The following CORO2B variants were observed in gnomAD, a reference collection of about 807,000 sequenced individuals.
CORO2B encodes coronin-2B.
In CORO2B, 26 loss-of-function variants were observed where a neutral mutation model predicts 58.8. The observed-to-expected ratio is 0.44, with a 90% CI of 0.32 to 0.61. CORO2B has a LOEUF of 0.61. Among genes scored for constraint, CORO2B ranks in the 20% least tolerant of loss-of-function variants. The probability of loss-of-function intolerance (pLI) is 0.04; values close to 1 mark genes in which losing one functional copy is unlikely to be tolerated. For missense variants in CORO2B, 460 were observed against 645.1 expected (o/e 0.71, Z 3.11); for synonymous variants, 242 against 253.8 (o/e 0.95, Z 0.44).
intron 1 of CORO2B, among the ~76,000 whole-genome samples, chr15:68,642,604 C>A (rs771068916): frequency 6.6e-6 from 1 of 152,340 alleles, no homozygotes; most frequent in East Asian, 1.9e-4. Context: ...CCACGACTCA[C>A]CTAGGCTGCC....
chr15:68,538,831 G>A, the CORO2B span, among the ~76,000 whole-genome samples: 2 of 152,330 alleles, frequency 1.3e-5, no homozygotes, highest in African/African-American at 4.8e-5. Context: ...CATTCCAGTA[G>A]CCTGTAGGTT....
At chr15:68,714,180 C>A in intron 6 of CORO2B, 139 bp downstream of exon 6, 1 of 626,452 alleles carries the variant, frequency 1.6e-6, no homozygotes. Context: ...AGACAGAGAC[C>A]CCCAGAGGCC....
the CORO2B span, among the ~76,000 whole-genome samples, chr15:68,550,607 A>G: frequency 6.6e-6 from 1 of 152,224 alleles, no homozygotes; most frequent in Admixed American, 6.5e-5. Flanking sequence ...AGGGACCGTT[A>G]TTACTGTCGC....
At chr15:68,528,114 A>G in the CORO2B span, among the ~76,000 whole-genome samples, 1 of 152,102 alleles carries the variant, frequency 6.6e-6, no homozygotes, top group Non-Finnish European at 1.5e-5. Flanking sequence ...CTTTCCATTC[A>G]GATGTCTTTT....
rs372906356 is a variant in CORO2B, at chr15:68,590,242, G to A, written c.15+10965G>A. On this transcript the variant is annotated intron_variant, in intron 1 of 11. Coordinates refer to ENST00000261861, the MANE Select transcript of CORO2B (RefSeq NM_006091.5). ...AACAAAGCTGCCCCTCTGCACCACC[G>A]CCCCCCTCTCCCAGGACCAGAGTGT... Among the ~76,000 whole-genome samples the A allele has an allele frequency of 5.3e-5, 8 of 151,992 alleles. 1 individual carries two copies. The highest frequency in any genetic ancestry group is 6.5e-5 in the Admixed American group (1 of 15,268).
At chr15:68,551,719 G>T in the CORO2B span, among the ~76,000 whole-genome samples, 1 of 152,142 alleles carries the variant, frequency 6.6e-6, no homozygotes, top group Non-Finnish European at 1.5e-5. Flanking sequence ...TTAGACTAAG[G>T]TCTATTTTTA....
At position 68,583,091 on chromosome 15, in the gene CORO2B, G is replaced by T. The variant is rs1351738673; in HGVS notation, c.15+3814G>T. 5.9e-5 allele frequency among the ~76,000 whole-genome samples: 9 copies of T among 152,300 alleles called. No homozygotes were observed. In the South Asian group the frequency reaches 1.9e-3, roughly 32 times the overall value. On this transcript the variant is annotated intron_variant, in intron 1 of 11. Coordinates refer to ENST00000261861, the MANE Select transcript of CORO2B (RefSeq NM_006091.5). ...CAACTGTGCCCTGGCCCCTCTTTCT[G>T]CAGGCAGCCTTCCCTCTCCTGCCTC...
Position 68,623,577 on chromosome 15 carries a change from G to A in CORO2B, c.16-21583G>A, listed in dbSNP as rs531885804. On this transcript the variant is annotated intron_variant, in intron 1 of 11. Coordinates refer to ENST00000261861, the MANE Select transcript of CORO2B (RefSeq NM_006091.5). ...GTAAACAGAGGCTGGAGGACCAGGA[G>A]TCATCTCAGGGCAGTGCGGTTGACT... Among the ~76,000 whole-genome samples, 420 of 152,212 alleles carry A rather than the reference G, an allele frequency of 2.8e-3. 1 individual carries two copies. The highest frequency in any genetic ancestry group is 6.8e-3 in the Middle Eastern group (2 of 294).
At position 68,707,911 on chromosome 15, in the gene CORO2B, TG is replaced by T. The variant is rs548680571; in HGVS notation, c.334-2818del. On this transcript the variant is annotated intron_variant, in intron 3 of 11. Coordinates refer to ENST00000261861, the MANE Select transcript of CORO2B (RefSeq NM_006091.5). Reference sequence around the variant, plus strand: ...TTGAGGAAAGAGCATTGGGGTATTCTGGGCCCCCTATACATCACTCCCTCCC... The same window carrying T: ...TTGAGGAAAGAGCATTGGGGTATTCTGGCCCCCTATACATCACTCCCTCCC... Among the ~76,000 whole-genome samples, 462 of 152,252 alleles carry T rather than the reference TG, an allele frequency of 3.0e-3. 6 individuals are homozygous for T. Among genetic ancestry groups the T allele is most frequent in the African/African-American group, 0.011 (447 of 41,528 alleles).
At chr15:68,522,524 ACTGCAACCT>A in the CORO2B span, among the ~76,000 whole-genome samples, 1 of 152,102 alleles carries the variant, frequency 6.6e-6, no homozygotes, top group Non-Finnish European at 1.5e-5. Context: ...GTCTCAGCTC[ACTGCAACCT>A]CTGCCTCCTG....
intron 3 of CORO2B, among the ~76,000 whole-genome samples, chr15:68,700,231 G>A (rs781143385): frequency 5.3e-5 from 8 of 152,204 alleles, no homozygotes; most frequent in Non-Finnish European, 1.0e-4. Flanking sequence ...AAGCTGCTGT[G>A]TGTGCCAGGC....
chr15:68,621,278 G>C (rs1231418940), intron 1 of CORO2B, among the ~76,000 whole-genome samples: 1 of 152,210 alleles, frequency 6.6e-6, no homozygotes, highest in Non-Finnish European at 1.5e-5. Context: ...ATGGGACTCA[G>C]TCTGCTAGGG....
the CORO2B span, among the ~76,000 whole-genome samples, chr15:68,533,924 C>G: frequency 6.6e-6 from 1 of 152,182 alleles, no homozygotes; most frequent in African/African-American, 2.4e-5. Context: ...TCCTCATGTT[C>G]AGTGCCTCTC....
At chr15:68,657,164 C>T (rs377660490) in intron 2 of CORO2B, among the ~76,000 whole-genome samples, 1 of 147,750 alleles carries the variant, frequency 6.8e-6, no homozygotes, top group African/African-American at 2.4e-5. Context: ...AACCCATAGA[C>T]CCCTTCACAG....
At chr15:68,628,929 G>T (rs1900754049) in intron 1 of CORO2B, among the ~76,000 whole-genome samples, 1 of 152,232 alleles carries the variant, frequency 6.6e-6, no homozygotes, top group Non-Finnish European at 1.5e-5. Context: ...GGATGAGAAT[G>T]TGGGAGGGAG....
At chr15:68,581,945 G>A (rs1734149561) in intron 1 of CORO2B, among the ~76,000 whole-genome samples, 1 of 152,116 alleles carries the variant, frequency 6.6e-6, no homozygotes, top group African/African-American at 2.4e-5. Context: ...TCCCCTCAGG[G>A]CAGAGTCCTC....
intron 1 of CORO2B, among the ~76,000 whole-genome samples, chr15:68,642,035 C>CTTTTT (rs33965107): frequency 1.9e-4 from 22 of 115,930 alleles, no homozygotes; most frequent in Non-Finnish European, 2.5e-4. Context: ...GGCCTAGCCT[C>CTTTTT]TTTTTTTTTT....
intron 5 of CORO2B, among the ~76,000 whole-genome samples, chr15:68,713,318 C>T (rs1015452166): frequency 6.6e-6 from 1 of 152,124 alleles, no homozygotes; most frequent in Non-Finnish European, 1.5e-5. Flanking sequence ...TGGTGTAGCC[C>T]CCAACTGGAC....
chr15:68,576,173 A>AAAAGAAAGAAAG (rs1555409379), upstream of CORO2B, among the ~76,000 whole-genome samples: 74 of 103,908 alleles, frequency 7.1e-4, 1 homozygote, highest in African/African-American at 2.9e-3. Context: ...AAAAAAAAAA[A>AAAAGAAAGAAAG]AAAGAAAGAA....
Sources: gnomAD v4.1 joint callset for allele counts (sites outside exome capture counted in the v4.1 genomes callset) on GRCh38, gnomAD v4.1.1 for gene constraint, MANE v1.5 for transcripts, NCBI Gene and HGNC (gene_info 2026-07-23, HGNC 2026-07-21) for gene names.